The following RNF13 variants were observed in gnomAD, a reference collection of about 807,000 sequenced individuals.
RNF13 encodes the protein E3 ubiquitin-protein ligase RNF13.
In RNF13, 19 loss-of-function variants were observed where a neutral mutation model predicts 37.7. The ratio of observed to expected loss-of-function variants is 0.50; its 90% CI spans 0.35 to 0.74. The LOEUF is 0.74. Among genes scored for constraint, RNF13 ranks in the 30% least tolerant of loss-of-function variants. The pLI is 0.01. For missense variants in RNF13, 375 were observed against 453.0 expected, an observed-to-expected ratio of 0.83 and a Z score of 1.56; for synonymous variants, 144 against 157.8, an observed-to-expected ratio of 0.91 and a Z score of 0.65.
intron 8 of RNF13, among the ~76,000 whole-genome samples, chr3:149,946,515 T>A (rs954539542): frequency 6.6e-6 from 1 of 152,340 alleles, no homozygotes; most frequent in Admixed American, 6.5e-5. Flanking sequence ...TATGTTCACA[T>A]AGATTTCTTA....
At chr3:149,930,786 C>A (rs145911608) in intron 8 of RNF13, among the ~76,000 whole-genome samples, 1 of 152,076 alleles carries the variant, frequency 6.6e-6, no homozygotes, top group African/African-American at 2.4e-5. Context: ...GTGTGGCTTT[C>A]GGCAGATTGT....
At chr3:149,925,947 C>G (rs1000325246) in intron 8 of RNF13, among the ~76,000 whole-genome samples, 1 of 152,038 alleles carries the variant, frequency 6.6e-6, no homozygotes, top group Non-Finnish European at 1.5e-5. Flanking sequence ...TTTTATTTCC[C>G]TTCTTGCAAT....
Position 149,951,049 on chromosome 3 carries a change from C to A in RNF13, c.701-9007C>A, listed in dbSNP as rs559185000. 1.1e-4 allele frequency among the ~76,000 whole-genome samples: 16 copies of A among 152,272 alleles called. No homozygotes were observed. In the East Asian group the frequency reaches 3.1e-3, roughly 29 times the overall value. Reference sequence around the variant, plus strand: ...AACATAATGCTTCTCCCGACCACCCCCAATACCTGAGGGGATTTTTCCTGG... The same window carrying A: ...AACATAATGCTTCTCCCGACCACCCACAATACCTGAGGGGATTTTTCCTGG... On this transcript the variant is annotated intron_variant, in intron 8 of 9. Coordinates refer to ENST00000392894, the MANE Select transcript of RNF13 (RefSeq NM_183381.3).
chr3:149,827,469 G>A (rs570608974), intron 1 of RNF13, among the ~76,000 whole-genome samples: 9 of 151,734 alleles, frequency 5.9e-5, no homozygotes, highest in Admixed American at 1.3e-4. Context: ...GAGCATAGAG[G>A]CTCTGCAGAA....
intron 8 of RNF13, among the ~76,000 whole-genome samples, chr3:149,945,685 A>T (rs1720703860): frequency 6.6e-6 from 1 of 152,102 alleles, no homozygotes; most frequent in African/African-American, 2.4e-5. Context: ...GCAGACTGAC[A>T]CCCCACACGG....
chr3:149,894,473 A>G, intron 4 of RNF13, among the ~76,000 whole-genome samples: 1 of 152,144 alleles, frequency 6.6e-6, no homozygotes, highest in East Asian at 1.9e-4. Context: ...AGAGTGTTGA[A>G]TCATTATAAT....
At chr3:149,839,838 G>A (rs74696365) in intron 1 of RNF13, among the ~76,000 whole-genome samples, 20 of 152,182 alleles carry the variant, frequency 1.3e-4, no homozygotes, top group African/African-American at 4.8e-4. Flanking sequence ...TTTATTGTTG[G>A]TTTAATGGAA....
chr3:149,961,799 A>G lies in RNF13; in HGVS notation c.*695A>G, dbSNP rs544416592. The G allele has an allele frequency of 2.0e-5, 3 of 153,538 alleles. No individual in the cohort carries two copies. In the East Asian group the frequency reaches 5.8e-4, roughly 30 times the overall value. The allele number at this position is 153,538 out of a possible 1,614,324, so 9.5% of individuals were successfully genotyped here. On this transcript the variant is annotated 3_prime_UTR_variant, in exon 10 of 10. Coordinates refer to ENST00000392894, the MANE Select transcript of RNF13 (RefSeq NM_183381.3). ...TCCTTAAGGGTTCTGTAGTGTTATC[A>G]AAGCAAAAAGAAAATGCTGCATAAA...
chr3:149,916,098 T>A lies in RNF13; in HGVS notation c.606+4015T>A, dbSNP rs998908100. Among the ~76,000 whole-genome samples, 17 of 151,802 alleles carry A rather than the reference T, an allele frequency of 1.1e-4. No individual in the cohort carries two copies. In the East Asian group the frequency reaches 2.3e-3, roughly 21 times the overall value. On this transcript the variant is annotated intron_variant, in intron 7 of 9. Coordinates refer to ENST00000392894, the MANE Select transcript of RNF13 (RefSeq NM_183381.3). ...ACTTTCTAAAATAGTTTTTTTTTTT[T>A]AAAGAAAATTGGGGTTATCTGTTAC...
chr3:149,826,757 G>C (rs1212887684), intron 1 of RNF13, among the ~76,000 whole-genome samples: 1 of 152,134 alleles, frequency 6.6e-6, no homozygotes, highest in African/African-American at 2.4e-5. Context: ...TTATTTCATA[G>C]TATTTATGTT....
chr3:149,825,321 G>C (rs182497554), intron 1 of RNF13, among the ~76,000 whole-genome samples: 170 of 151,978 alleles, frequency 1.1e-3, no homozygotes, highest in Middle Eastern at 3.4e-3. Flanking sequence ...GCACCACCAC[G>C]CCTGGCTAAT....
intron 7 of RNF13, among the ~76,000 whole-genome samples, chr3:149,913,930 A>G (rs1384928824): frequency 6.6e-6 from 1 of 152,204 alleles, no homozygotes; most frequent in Non-Finnish European, 1.5e-5. Context: ...GGCACTAACT[A>G]TAGCCCACCC....
At chr3:149,948,220 A>G (rs1720966098) in intron 8 of RNF13, among the ~76,000 whole-genome samples, 1 of 152,310 alleles carries the variant, frequency 6.6e-6, no homozygotes, top group Non-Finnish European at 1.5e-5. Context: ...AAGTGCTGGC[A>G]TTACAGGTGT....
intron 3 of RNF13, among the ~76,000 whole-genome samples, chr3:149,858,708 A>G (rs1723909295): frequency 1.3e-5 from 2 of 152,234 alleles, no homozygotes; most frequent in Admixed American, 6.5e-5. Flanking sequence ...GTCCTAGACT[A>G]TGCTGTTCCT....
intron 4 of RNF13, among the ~76,000 whole-genome samples, chr3:149,886,935 GTTAT>G (rs1467970996): frequency 2.6e-5 from 4 of 152,170 alleles, no homozygotes; most frequent in Non-Finnish European, 4.4e-5. Context: ...TTAGGAGTGT[GTTAT>G]TTAATTTTGA....
chr3:149,854,723 C>G (rs541978129), intron 3 of RNF13, among the ~76,000 whole-genome samples: 1 of 152,160 alleles, frequency 6.6e-6, no homozygotes, highest in Non-Finnish European at 1.5e-5. Context: ...GTGGTTTTAC[C>G]TCACAACATT....
At chr3:149,921,878 G>T (rs1384798313) in intron 8 of RNF13, among the ~76,000 whole-genome samples, 1 of 152,146 alleles carries the variant, frequency 6.6e-6, no homozygotes, top group East Asian at 1.9e-4. Context: ...TCGCCACACT[G>T]TCTTCCACAA....
intron 1 of RNF13, among the ~76,000 whole-genome samples, chr3:149,831,305 A>G (rs1424931397): frequency 1.3e-5 from 2 of 152,212 alleles, no homozygotes; most frequent in Non-Finnish European, 2.9e-5. Flanking sequence ...ATGCCAGCCC[A>G]TGAAAGCAAC....
At chr3:149,897,127 T>C (rs1715351766) in intron 5 of RNF13, among the ~76,000 whole-genome samples, 1 of 152,234 alleles carries the variant, frequency 6.6e-6, no homozygotes, top group East Asian at 1.9e-4. Context: ...GGTCAGTAAC[T>C]TTTGTGATCT....
Sources: allele counts gnomAD v4.1 joint callset (sites outside exome capture counted in the v4.1 genomes callset), GRCh38; gene constraint gnomAD v4.1.1; transcripts MANE v1.5; gene names NCBI Gene and HGNC (gene_info 2026-07-23, HGNC 2026-07-21).